The following OTUD7B variants were observed in gnomAD, a reference collection of about 807,000 sequenced individuals.
OTUD7B encodes OTU deubiquitinase 7B.
OTUD7B carries 34 observed loss-of-function variants against 82.2 expected under a neutral mutation model. The ratio of observed to expected loss-of-function variants is 0.41; its 90% CI spans 0.31 to 0.55. The LOEUF (loss-of-function observed/expected upper bound fraction) is 0.55. Among genes scored for constraint, OTUD7B ranks in the 20% least tolerant of loss-of-function variants. OTUD7B has a pLI of 0.20. For synonymous variants in OTUD7B, 398 were observed against 402.7 expected, an observed-to-expected ratio of 0.99 and a Z score of 0.14; for missense variants, 944 against 1,062.1, an observed-to-expected ratio of 0.89 and a Z score of 1.55.
intron 2 of OTUD7B, among the ~76,000 whole-genome samples, chr1:149,975,193 G>A (rs1011695465): frequency 6.6e-6 from 1 of 151,858 alleles, no homozygotes; most frequent in East Asian, 1.9e-4. Context: ...TGTCCTTCAG[G>A]GCTCAGCTTA....
At chr1:150,004,697 T>C (rs1218615669) in intron 1 of OTUD7B, among the ~76,000 whole-genome samples, 1 of 152,078 alleles carries the variant, frequency 6.6e-6, no homozygotes, top group Non-Finnish European at 1.5e-5. Context: ...TTCATTTCAC[T>C]ACTGCTCACT....
rs1647354872 is a variant in OTUD7B, at chr1:149,942,939, A to T, written c.*918T>A. The T allele has an allele frequency of 6.6e-6, 1 of 152,652 alleles. No homozygotes were observed. The highest frequency in any genetic ancestry group is 1.5e-5 in the Non-Finnish European group (1 of 68,052). 9.5% of individuals were successfully genotyped at this position (152,652 alleles called of 1,614,324 possible). On this transcript the variant is annotated 3_prime_UTR_variant, in exon 12 of 12. Coordinates refer to ENST00000581312, the MANE Select transcript of OTUD7B (RefSeq NM_020205.4). The stretch of plus-strand genomic sequence containing the variant: ...TTAGGTTTTTGGTTTTGTTTGAAAC[A>T]GCCTCTGGCTAAAATGTCTGTCCTC...
chr1:150,056,630 G>A, the OTUD7B span, among the ~76,000 whole-genome samples: 1 of 152,016 alleles, frequency 6.6e-6, no homozygotes, highest in Non-Finnish European at 1.5e-5. Context: ...AGTACACACA[G>A]AATCAAATCC....
chr1:150,047,098 C>A, the OTUD7B span, among the ~76,000 whole-genome samples: 7 of 151,906 alleles, frequency 4.6e-5, no homozygotes, highest in Non-Finnish European at 1.0e-4. Context: ...AATATCCTCA[C>A]AACTAGGTCC....
intron 1 of OTUD7B, among the ~76,000 whole-genome samples, chr1:149,998,405 C>T (rs1652054671): frequency 6.6e-6 from 1 of 152,142 alleles, no homozygotes; most frequent in South Asian, 2.1e-4. Context: ...ATTTATCTAA[C>T]TCTCTAACTT....
intron 1 of OTUD7B, among the ~76,000 whole-genome samples, chr1:149,988,138 C>T (rs1431038901): frequency 6.6e-6 from 1 of 152,004 alleles, no homozygotes; most frequent in African/African-American, 2.4e-5. Context: ...GGGTTGTTTT[C>T]TACCTCTAAT....
At chr1:150,059,501 C>T in the OTUD7B span, among the ~76,000 whole-genome samples, 4 of 151,956 alleles carry the variant, frequency 2.6e-5, no homozygotes, top group Non-Finnish European at 1.5e-5. Context: ...TCCCGAGTAG[C>T]TGGGATTACA....
At position 149,949,731 on chromosome 1, in the gene OTUD7B, G is replaced by C; in HGVS notation, c.1021C>G (p.Pro341Ala). The change falls in exon 9 of 12, where the codon CCA becomes GCA. Residue 341 changes from proline (P) to alanine (A), a missense_variant. This residue lies in a region of OTUD7B where 530 missense variants were observed against 625.6 expected (regional missense o/e 0.85). Coordinates refer to ENST00000581312, the MANE Select transcript of OTUD7B (RefSeq NM_020205.4). The stretch of plus-strand genomic sequence containing the variant: ...GGGGAGCGGTGACACTGGCTGGCTG[G>C]GACCTCCAAAGGCAGATAGATTCCT... ...FGGIYLPLEVPASQCHRSPLV... is the reference protein window; with the variant it reads ...FGGIYLPLEVAASQCHRSPLV... The C allele has an allele frequency of 6.2e-7, 1 of 1,614,122 alleles. No homozygotes were observed. Among genetic ancestry groups the C allele is most frequent in the Non-Finnish European group, 8.5e-7 (1 of 1,180,018 alleles).
intron 7 of OTUD7B, among the ~76,000 whole-genome samples, chr1:149,958,053 T>C (rs1648832793): frequency 6.6e-6 from 1 of 152,170 alleles, no homozygotes; most frequent in African/African-American, 2.4e-5. Context: ...CAACAAGCCC[T>C]ACTGAGATGA....
At position 149,938,624 on chromosome 1, in the gene OTUD7B, C is replaced by CGG. The variant is rs1200145141; in HGVS notation, c.*5231_*5232dup. On this transcript the variant is annotated 3_prime_UTR_variant, in exon 12 of 12. Coordinates refer to ENST00000581312, the MANE Select transcript of OTUD7B (RefSeq NM_020205.4). ...GTGGAGGAACACGGAGAAAAAAAAT[C>CGG]GGGGGGTAGGGGTGTGGTGGCTCAT... 1 of 150,660 alleles carries CGG rather than the reference C, an allele frequency of 6.6e-6. No homozygotes were observed. The highest frequency in any genetic ancestry group is 1.5e-5 in the Non-Finnish European group (1 of 67,804). The allele number at this position is 150,660 out of a possible 1,614,324, so 9.3% of individuals were successfully genotyped here. A position where few individuals can be genotyped will look rare whatever the true frequency, so the allele number is the denominator to read the frequency against.
intron 1 of OTUD7B, among the ~76,000 whole-genome samples, chr1:149,992,638 G>C (rs1651672063): frequency 6.6e-6 from 1 of 151,824 alleles, no homozygotes; most frequent in Non-Finnish European, 1.5e-5. Flanking sequence ...ACCACACCTG[G>C]CTAATTTTTG....
At chr1:149,954,371 C>T (rs1160038805) in intron 7 of OTUD7B, among the ~76,000 whole-genome samples, 2 of 152,142 alleles carry the variant, frequency 1.3e-5, no homozygotes, top group African/African-American at 2.4e-5. Flanking sequence ...GTATGTTGAA[C>T]CAGCCTTGCC....
At chr1:150,058,318 GC>G in the OTUD7B span, among the ~76,000 whole-genome samples, 283 of 152,178 alleles carry the variant, frequency 1.9e-3, no homozygotes, top group African/African-American at 6.5e-3. Context: ...ATCAGCCTGG[GC>G]AACATGGAAA....
At chr1:149,963,451 A>C (rs1400850480) in intron 6 of OTUD7B, 1 of 152,234 alleles carries the variant, frequency 6.6e-6, no homozygotes, top group Admixed American at 6.5e-5. Flanking sequence ...TGCAGGCCAC[A>C]TGTTACTACT....
At chr1:149,950,058 G>A in intron 8 of OTUD7B, 36 bp downstream of exon 8, 1 of 1,611,744 alleles carries the variant, frequency 6.2e-7, no homozygotes, top group South Asian at 1.1e-5. Context: ...AAAAGGGGGT[G>A]CTCAGCATGG....
chr1:150,058,400 T>C, the OTUD7B span, among the ~76,000 whole-genome samples: 1 of 152,116 alleles, frequency 6.6e-6, no homozygotes, highest in Non-Finnish European at 1.5e-5. Flanking sequence ...TCCCAGCTAC[T>C]CAGGAGGCTG....
chr1:150,000,503 A>G (rs1320821116), intron 1 of OTUD7B, among the ~76,000 whole-genome samples: 1 of 151,666 alleles, frequency 6.6e-6, no homozygotes. Context: ...ACAAACAAAC[A>G]AAAAAACAGG....
chr1:150,032,487 T>C, the OTUD7B span, among the ~76,000 whole-genome samples: 1 of 36,198 alleles, frequency 2.8e-5, no homozygotes, highest in African/African-American at 1.1e-4. Flanking sequence ...AAAAAAAAAA[T>C]AGCCAGGTAT....
chr1:150,034,150 G>C, the OTUD7B span, among the ~76,000 whole-genome samples: 6 of 152,290 alleles, frequency 3.9e-5, no homozygotes, highest in African/African-American at 1.2e-4. Flanking sequence ...CCAAAACCAT[G>C]ACATTAGAAT....
Sources: gnomAD v4.1 joint callset for allele counts (sites outside exome capture counted in the v4.1 genomes callset) on GRCh38, gnomAD v4.1.1 for gene constraint, gnomAD v4.1.1 regional missense constraint, MANE v1.5 for transcripts, NCBI Gene and HGNC (gene_info 2026-07-23, HGNC 2026-07-21) for gene names.